Variants in RPS6KC1 observed in about 807,000 individuals in gnomAD.
The protein encoded by RPS6KC1 is ribosomal protein S6 kinase C1, also known as inactive ribosomal protein S6 kinase delta-1.
RPS6KC1 carries 54 observed loss-of-function variants against 103.8 expected under a neutral mutation model. That is an observed-to-expected ratio of 0.52 (90% CI 0.42 to 0.65). RPS6KC1 has a LOEUF of 0.65. Among genes scored for constraint, RPS6KC1 ranks in the 30% least tolerant of loss-of-function variants. The probability of loss-of-function intolerance (pLI) is 0.00; values close to 1 mark genes in which losing one functional copy is unlikely to be tolerated. For synonymous variants in RPS6KC1, 439 were observed against 438.7 expected, an observed-to-expected ratio of 1.00 and a Z score of -0.01; for missense variants, 1,151 against 1,253.8, an observed-to-expected ratio of 0.92 and a Z score of 1.24.
chr1:213,398,858 T>C, the RPS6KC1 span, among the ~76,000 whole-genome samples: 1 of 152,186 alleles, frequency 6.6e-6, no homozygotes. Context: ...TACATAAAAG[T>C]CATCCCCATA....
chr1:213,314,143 A>G, the RPS6KC1 span, among the ~76,000 whole-genome samples: 1,758 of 151,358 alleles, frequency 0.012, 35 homozygotes, highest in African/African-American at 0.04. Context: ...GCACACTCCC[A>G]CCTCTGCCTC....
the RPS6KC1 span, among the ~76,000 whole-genome samples, chr1:213,515,403 TGTATAAG>T: frequency 6.6e-6 from 1 of 152,252 alleles, no homozygotes; most frequent in African/African-American, 2.4e-5. Flanking sequence ...AATTAATTTT[TGTATAAG>T]GTATAAGGAA....
At chr1:213,252,104 G>A (rs995919902) in intron 12 of RPS6KC1, among the ~76,000 whole-genome samples, 4 of 152,118 alleles carry the variant, frequency 2.6e-5, no homozygotes, top group Admixed American at 2.0e-4. Context: ...CTTTCTCTTT[G>A]CTCTTTAGTC....
the RPS6KC1 span, among the ~76,000 whole-genome samples, chr1:213,719,354 A>G: frequency 3.2e-4 from 49 of 152,302 alleles, 2 homozygotes; most frequent in East Asian, 8.9e-3. Flanking sequence ...CAAAGTGCTA[A>G]GTGGAGGGGA....
At chr1:213,650,928 TAAAA>T in the RPS6KC1 span, among the ~76,000 whole-genome samples, 2 of 100,326 alleles carry the variant, frequency 2.0e-5, no homozygotes, top group East Asian at 2.8e-4. Flanking sequence ...ACTTGCATGT[TAAAA>T]AAAAAAAAAA....
chr1:213,828,552 G>T, the RPS6KC1 span, among the ~76,000 whole-genome samples: 1 of 152,212 alleles, frequency 6.6e-6, no homozygotes, highest in Non-Finnish European at 1.5e-5. Flanking sequence ...CATGGAAGAT[G>T]AAAGGCCTGA....
the RPS6KC1 span, among the ~76,000 whole-genome samples, chr1:213,347,045 G>T: frequency 2.0e-5 from 3 of 152,266 alleles, no homozygotes; most frequent in East Asian, 5.8e-4. Flanking sequence ...CATTAACCTG[G>T]CTTCCATCGC....
chr1:213,450,323 G>C, the RPS6KC1 span, among the ~76,000 whole-genome samples: 1 of 150,716 alleles, frequency 6.6e-6, no homozygotes. Context: ...GCAATAAGCT[G>C]AGTTTGTAGA....
At chr1:213,677,508 C>A in the RPS6KC1 span, among the ~76,000 whole-genome samples, 1 of 152,206 alleles carries the variant, frequency 6.6e-6, no homozygotes, top group African/African-American at 2.4e-5. Flanking sequence ...AATTAAAACA[C>A]TTGTGCCCAG....
chr1:213,807,031 A>G, the RPS6KC1 span, among the ~76,000 whole-genome samples: 1 of 152,000 alleles, frequency 6.6e-6, no homozygotes, highest in Non-Finnish European at 1.5e-5. Flanking sequence ...TTTCTCCTTC[A>G]CTTATGAAGC....
At chr1:213,442,040 C>T in the RPS6KC1 span, among the ~76,000 whole-genome samples, 1 of 152,166 alleles carries the variant, frequency 6.6e-6, no homozygotes, top group Non-Finnish European at 1.5e-5. Context: ...AGAGACTTTG[C>T]CATGAGTAAC....
intron 6 of RPS6KC1, among the ~76,000 whole-genome samples, chr1:213,132,878 TACTAA>T (rs946819236): frequency 2.0e-5 from 3 of 152,234 alleles, no homozygotes; most frequent in Non-Finnish European, 4.4e-5. Flanking sequence ...GTTATTTTGT[TACTAA>T]ACTATTCATC....
chr1:213,482,651 C>T, the RPS6KC1 span, among the ~76,000 whole-genome samples: 1 of 144,666 alleles, frequency 6.9e-6, no homozygotes, highest in Non-Finnish European at 1.5e-5. Flanking sequence ...TGGGCTCAAG[C>T]GACTCTCCTG....
chr1:213,208,110 A>AT (rs1354435958), intron 8 of RPS6KC1, among the ~76,000 whole-genome samples: 8 of 152,258 alleles, frequency 5.3e-5, no homozygotes, highest in African/African-American at 1.9e-4. Context: ...GCGTATTCTT[A>AT]TATGTATCTA....
chr1:213,787,586 T>G, the RPS6KC1 span, among the ~76,000 whole-genome samples: 1 of 152,110 alleles, frequency 6.6e-6, no homozygotes, highest in Non-Finnish European at 1.5e-5. Context: ...GGATTAGATA[T>G]GGGGATGAGG....
the RPS6KC1 span, among the ~76,000 whole-genome samples, chr1:213,814,983 G>A: frequency 2.0e-5 from 3 of 152,138 alleles, no homozygotes; most frequent in Non-Finnish European, 2.9e-5. Context: ...TGGTTTGGCT[G>A]TGTCTCCACC....
Position 213,207,668 on chromosome 1 carries a change from C to T in RPS6KC1, c.1045-22829C>T, listed in dbSNP as rs529429683. Among the ~76,000 whole-genome samples the T allele has an allele frequency of 1.4e-3, 217 of 152,060 alleles. 1 individual carries two copies. Among genetic ancestry groups the T allele is most frequent in the African/African-American group, 5.0e-3 (209 of 41,508 alleles). ...ATGTGCGTGTTTATAAATTTATATA[C>T]CTTTTTTTTTGTTTGTTTGTTTTGA... On this transcript the variant is annotated intron_variant, in intron 8 of 14. Transcript: ENST00000366960.
At chr1:213,598,408 T>C in the RPS6KC1 span, among the ~76,000 whole-genome samples, 1 of 152,186 alleles carries the variant, frequency 6.6e-6, no homozygotes, top group East Asian at 1.9e-4. Context: ...TATATCTGAG[T>C]TCCAATCCCA....
the RPS6KC1 span, among the ~76,000 whole-genome samples, chr1:213,408,834 A>G: frequency 1.3e-5 from 2 of 152,358 alleles, no homozygotes; most frequent in East Asian, 1.9e-4. Context: ...CTAGCAAGTC[A>G]TATTCTGCAC....
Sources: allele counts gnomAD v4.1 joint callset (sites outside exome capture counted in the v4.1 genomes callset), GRCh38; gene constraint gnomAD v4.1.1; transcripts MANE v1.5; gene names NCBI Gene and HGNC (gene_info 2026-07-23, HGNC 2026-07-21).